SH3TC2: variants seen among roughly 807,000 people sequenced by gnomAD.
SH3TC2 encodes the protein SH3 domain and tetratricopeptide repeats 2.
Under a neutral mutation model 124.5 loss-of-function variants are expected in SH3TC2, and 87 were observed. That is an observed-to-expected ratio of 0.70 (90% CI 0.59 to 0.84). SH3TC2 has a LOEUF of 0.84. SH3TC2 is among the 40% of genes least tolerant of loss of function. The pLI is 0.00. For synonymous variants in SH3TC2, 634 were observed against 628.5 expected, an observed-to-expected ratio of 1.01 and a Z score of -0.13; for missense variants, 1,536 against 1,566.4, an observed-to-expected ratio of 0.98 and a Z score of 0.33.
At chr5:149,053,439 T>C (rs955894077) in intron 1 of SH3TC2, among the ~76,000 whole-genome samples, 2 of 152,226 alleles carry the variant, frequency 1.3e-5, no homozygotes, top group Admixed American at 1.3e-4. Context: ...TCAGCTGGAA[T>C]AGGCAGAAGC....
rs1753433078 is a variant in SH3TC2 at position 148,992,394 on chromosome 5, T to C, written c.*12317A>G. Among the ~76,000 whole-genome samples the C allele has an allele frequency of 6.6e-6, 1 of 152,178 alleles. No homozygotes were observed. The highest frequency in any genetic ancestry group is 2.1e-4 in the South Asian group (1 of 4,826). ...TCTCCATTTTTATCCATAAGCAGTA[T>C]GTATGTCAGTTCTCAGGCATCACCT... On this transcript the variant is annotated 3_prime_UTR_variant, in exon 17 of 17. Transcript: ENST00000515425.
intron 7 of SH3TC2, among the ~76,000 whole-genome samples, chr5:149,039,215 T>C (rs1754330523): frequency 6.6e-6 from 1 of 152,226 alleles, no homozygotes; most frequent in Non-Finnish European, 1.5e-5. Flanking sequence ...ATGAATGTTT[T>C]TCTGTCCAGT....
At position 149,047,890 on chromosome 5, in the gene SH3TC2, T is replaced by G; in HGVS notation, c.251A>C (p.Glu84Ala). Residue 84 changes from glutamate to alanine, a missense_variant, in exon 3 of 17, where the codon GAG (glutamate) becomes GCG (alanine). Around this residue, in one of 3 missense-constraint regions of SH3TC2, gnomAD observed 1,102 missense variants for 1,098.6 expected, o/e 1.00. Coordinates refer to ENST00000515425, the MANE Select transcript of SH3TC2 (RefSeq NM_024577.4). ...ARRRLWALEN[E>A]DQEVRMLFKD... ...AAACAGCATGCGCACCTCCTGGTCC[T>G]CATTCTCCAGTGCCCAGAGCCGCCT... The G allele has an allele frequency of 6.2e-7, 1 of 1,614,146 alleles. No individual in the cohort carries two copies. Among genetic ancestry groups the G allele is most frequent in the Non-Finnish European group, 8.5e-7 (1 of 1,180,006 alleles).
At position 149,004,661 on chromosome 5, in the gene SH3TC2, T is replaced by C; in HGVS notation, c.*50A>G. ...ATGAGTATTTAAGAGCCTAGGGCAG[T>C]GGGGTCAGAGTCTGGCCATGCCAAA... On this transcript the variant is annotated 3_prime_UTR_variant, in exon 17 of 17. Transcript: ENST00000515425. 6.3e-7 allele frequency: 1 copy of C among 1,599,314 alleles called. No individual in the cohort carries two copies. Among genetic ancestry groups the C allele is most frequent in the Non-Finnish European group, 8.5e-7 (1 of 1,170,858 alleles).
chr5:149,043,860 C>T (rs750348672), intron 4 of SH3TC2: 16 of 153,106 alleles, frequency 1.0e-4, no homozygotes, highest in Admixed American at 1.9e-4. Context: ...TTGTGTATGT[C>T]GGCATGGAGC....
intron 1 of SH3TC2, among the ~76,000 whole-genome samples, chr5:149,060,066 G>A (rs1754718748): frequency 6.6e-6 from 1 of 152,128 alleles, no homozygotes; most frequent in East Asian, 1.9e-4. Flanking sequence ...TTATTATACT[G>A]ATGATTCACA....
intron 8 of SH3TC2, among the ~76,000 whole-genome samples, chr5:149,037,871 G>T (rs1754308286): frequency 6.6e-6 from 1 of 152,102 alleles, no homozygotes; most frequent in Non-Finnish European, 1.5e-5. Flanking sequence ...CAGCTTGAAA[G>T]CTGAATGAGT....
At chr5:149,045,349 C>T (rs1478785027) in intron 3 of SH3TC2, 1 of 152,212 alleles carries the variant, frequency 6.6e-6, no homozygotes, top group Admixed American at 6.5e-5. Flanking sequence ...GCCATTGTTG[C>T]ATTAACATAA....
intron 1 of SH3TC2, among the ~76,000 whole-genome samples, chr5:149,052,481 A>T (rs1364122625): frequency 6.6e-6 from 1 of 152,222 alleles, no homozygotes; most frequent in Non-Finnish European, 1.5e-5. Context: ...GCAGATCCCC[A>T]TTCACATATC....
At chr5:149,024,763 C>T (rs1483062398) in intron 12 of SH3TC2, among the ~76,000 whole-genome samples, 1 of 152,200 alleles carries the variant, frequency 6.6e-6, no homozygotes, top group Non-Finnish European at 1.5e-5. Context: ...CTGACCTCCT[C>T]TCCACCATCC....
chr5:149,021,553 G>A (rs1458420671), intron 12 of SH3TC2, among the ~76,000 whole-genome samples: 1 of 151,604 alleles, frequency 6.6e-6, no homozygotes, highest in African/African-American at 2.4e-5. Context: ...AAAGAGAGAA[G>A]AGTCTCAGGA....
chr5:149,007,203 A>T, intron 15 of SH3TC2, 126 bp from the exon 16 acceptor site: 1 of 845,828 alleles, frequency 1.2e-6, no homozygotes, highest in Admixed American at 1.9e-5. Context: ...GGCATAGGAA[A>T]TAAGACAGAA....
At position 149,010,385 on chromosome 5, in the gene SH3TC2, A is replaced by T; in HGVS notation, c.3212T>A (p.Ile1071Asn). 2 of 1,613,894 alleles carry T rather than the reference A, an allele frequency of 1.2e-6. No individual in the cohort carries two copies. Among genetic ancestry groups the T allele is most frequent in the Middle Eastern group, 1.7e-4 (1 of 5,876 alleles). The change falls in exon 14 of 17, where the codon ATC (isoleucine) becomes AAC (asparagine). Residue 1071 changes from isoleucine to asparagine, a missense_variant. Coordinates refer to ENST00000515425, the MANE Select transcript of SH3TC2 (RefSeq NM_024577.4). ...ELVELCLQAAIQTALKSEEPL... is the reference protein window; with the variant it reads ...ELVELCLQAANQTALKSEEPL... ...CTCCTCTGACTTCAGGGCTGTCTGG[A>T]TGGCTGCCTAGGTGGGACAGAGACA...
chr5:149,061,939 G>A (rs1014379876), intron 1 of SH3TC2, among the ~76,000 whole-genome samples: 8 of 152,084 alleles, frequency 5.3e-5, no homozygotes, highest in African/African-American at 1.4e-4. Context: ...GTGCCAAGGT[G>A]CCTAGATCAA....
chr5:149,062,803 A>T (rs1199653057), intron 1 of SH3TC2, among the ~76,000 whole-genome samples, 168 bp downstream of exon 1: 2 of 152,188 alleles, frequency 1.3e-5, no homozygotes, highest in Non-Finnish European at 2.9e-5. Flanking sequence ...CTTTTTACAG[A>T]GCCAGCATGA....
chr5:148,995,833 A>T lies in SH3TC2; in HGVS notation c.*8878T>A, dbSNP rs886060151. Among the ~76,000 whole-genome samples the T allele has an allele frequency of 1.1e-4, 17 of 152,302 alleles. No individual in the cohort carries two copies. The highest frequency in any genetic ancestry group is 2.6e-4 in the Admixed American group (4 of 15,300). ...GGTGGTGCACATGGATTATTAAAAT[A>T]AAAAAACTCACATAAAGTACACTTT... is the stretch of plus-strand genomic sequence containing the variant. On this transcript the variant is annotated 3_prime_UTR_variant, in exon 17 of 17. Coordinates refer to ENST00000515425, the MANE Select transcript of SH3TC2 (RefSeq NM_024577.4).
chr5:149,044,677 A>G (rs1754428266), intron 3 of SH3TC2, 39 bp from the exon 4 acceptor site: 5 of 1,513,218 alleles, frequency 3.3e-6, no homozygotes, highest in Non-Finnish European at 4.6e-6. Context: ...GGGATGACAG[A>G]AGTGTCCCAT....
chr5:149,004,939 T>G, intron 16 of SH3TC2, 37 bp from the exon 17 acceptor site: 5 of 1,611,334 alleles, frequency 3.1e-6, no homozygotes, highest in Non-Finnish European at 4.2e-6. Flanking sequence ...AGAGACAGCA[T>G]TAGCAAACAC....
At chr5:149,047,822 A>C (rs1333641843) in intron 3 of SH3TC2, 40 bp downstream of exon 3, 1 of 1,612,064 alleles carries the variant, frequency 6.2e-7, no homozygotes, top group East Asian at 2.2e-5. Context: ...AGACTGACAC[A>C]AGTCAGTACT....
Sources: allele counts gnomAD v4.1 joint callset (sites outside exome capture counted in the v4.1 genomes callset), GRCh38; gene constraint gnomAD v4.1.1; regional missense constraint gnomAD v4.1.1; transcripts MANE v1.5; gene names NCBI Gene and HGNC (gene_info 2026-07-23, HGNC 2026-07-21).